ST3GAL2: variants seen among roughly 807,000 people sequenced by gnomAD.
ST3GAL2 encodes CMP-N-acetylneuraminate-beta-galactosamide-alpha-2,3-sialyltransferase 2.
ST3GAL2 carries 16 observed loss-of-function variants against 37.5 expected under a neutral mutation model. That is an observed-to-expected ratio of 0.43 (90% confidence interval 0.29 to 0.65). The LOEUF (loss-of-function observed/expected upper bound fraction) is 0.65. Among genes scored for constraint, ST3GAL2 ranks in the 30% least tolerant of loss-of-function variants. The probability of loss-of-function intolerance (pLI) is 0.17; values close to 1 mark genes in which losing one functional copy is unlikely to be tolerated. For missense variants in ST3GAL2, 383 were observed against 487.8 expected (o/e 0.79, Z 2.02); for synonymous variants, 238 against 202.9 (o/e 1.17, Z -1.47).
rs577152036 is a variant in ST3GAL2 at position 70,420,989 on chromosome 16, T to A, written c.-1004+17960A>T. Among the ~76,000 whole-genome samples the A allele has an allele frequency of 4.4e-4, 67 of 152,312 alleles. No homozygotes were observed. In the South Asian group the frequency reaches 0.012, roughly 28 times the overall value. ...AAGTTCCAGCTAGGAAGAGAGGTCA[T>A]TGTGAGCCCACGGCCAGCCTGGTGC... On this transcript the variant is annotated intron_variant, in intron 1 of 6. Coordinates refer to ENST00000342907, the MANE Select transcript of ST3GAL2 (RefSeq NM_006927.4).
intron 1 of ST3GAL2, among the ~76,000 whole-genome samples, chr16:70,414,778 T>C (rs2047663581): frequency 6.6e-6 from 1 of 152,216 alleles, no homozygotes; most frequent in South Asian, 2.1e-4. Context: ...GTTCAAGTGA[T>C]ACTCCTGACT....
At position 70,398,683 on chromosome 16, in the gene ST3GAL2, C is replaced by A. The variant is rs766309732; in HGVS notation, c.-153G>T. On this transcript the variant is annotated 5_prime_UTR_variant, in exon 2 of 7. Transcript: ENST00000342907. ...GGACAGTGGCAGGGGTCCCTTGCCA[C>A]GCCCTCCCTCATGTAGGGAGAACAC... The A allele has an allele frequency of 4.1e-5, 29 of 711,470 alleles. No individual in the cohort carries two copies. In the South Asian group the frequency reaches 5.4e-4, roughly 13 times the overall value. 44.1% of individuals were successfully genotyped at this position (711,470 alleles called of 1,614,324 possible). A position where few individuals can be genotyped will look rare whatever the true frequency, so the allele number is the denominator to read the frequency against.
intron 1 of ST3GAL2, among the ~76,000 whole-genome samples, chr16:70,404,617 C>T (rs140999522): frequency 7.3e-4 from 111 of 152,280 alleles, no homozygotes; most frequent in South Asian, 1.4e-3. Context: ...ATGGTGCAGT[C>T]GCTTTGGGCA....
intron 4 of ST3GAL2, among the ~76,000 whole-genome samples, chr16:70,385,678 A>G (rs74955082): frequency 0.079 from 11,728 of 148,828 alleles, 1,631 homozygotes; most frequent in African/African-American, 0.28. Flanking sequence ...TTAGAACATG[A>G]AAATGTTCCT....
In ST3GAL2 at chr16:70,378,642, C is replaced by CA. The variant is rs1021454025; in HGVS notation, c.*3046dup. The CA allele has an allele frequency of 2.0e-5, 3 of 151,158 alleles. No individual in the cohort carries two copies. The highest frequency in any genetic ancestry group is 4.4e-5 in the Non-Finnish European group (3 of 67,988). 9.4% of individuals were successfully genotyped at this position (151,158 alleles called of 1,614,324 possible). A position where few individuals can be genotyped will look rare whatever the true frequency, so the allele number is the denominator to read the frequency against. On this transcript the variant is annotated 3_prime_UTR_variant, in exon 7 of 7. Coordinates refer to ENST00000342907, the MANE Select transcript of ST3GAL2 (RefSeq NM_006927.4). ...GCGTGAACCCGGGAGGCGGAGCTTG[C>CA]AATGAGCCGAGATCCCACCACTGCA...
At chr16:70,385,968 G>C (rs1431338574) in intron 4 of ST3GAL2, among the ~76,000 whole-genome samples, 4 of 151,970 alleles carry the variant, frequency 2.6e-5, no homozygotes, top group Admixed American at 6.6e-5. Flanking sequence ...TGGCCTCCTA[G>C]AGTGCTGGGA....
At chr16:70,427,716 T>C (rs1207320651) in intron 1 of ST3GAL2, among the ~76,000 whole-genome samples, 1 of 152,206 alleles carries the variant, frequency 6.6e-6, no homozygotes, top group Non-Finnish European at 1.5e-5. Flanking sequence ...AAGAGTCATA[T>C]GTGAGCCCTC....
chr16:70,426,196 T>G (rs867180561), intron 1 of ST3GAL2, among the ~76,000 whole-genome samples: 7 of 142,908 alleles, frequency 4.9e-5, no homozygotes, highest in East Asian at 4.9e-4. Flanking sequence ...TTTTTTTTTT[T>G]TTTTTTTTTG....
chr16:70,382,776 C>G (rs758985018), intron 6 of ST3GAL2, 29 bp downstream of exon 6: 1 of 1,613,454 alleles, frequency 6.2e-7, no homozygotes, highest in South Asian at 1.1e-5. Context: ...TCCATGGGTT[C>G]CCACCACCCA....
intron 1 of ST3GAL2, chr16:70,399,768 C>A: frequency 4.1e-6 from 1 of 245,506 alleles, no homozygotes; most frequent in Non-Finnish European, 7.7e-6. Context: ...AGAAGGTAAA[C>A]GAGTCAAGTG....
chr16:70,394,913 G>A (rs547493898), intron 3 of ST3GAL2, 69 bp downstream of exon 3: 3 of 1,547,468 alleles, frequency 1.9e-6, no homozygotes, highest in Non-Finnish European at 2.6e-6. Flanking sequence ...TGCCAGACAA[G>A]GCAGAGGAGG....
chr16:70,420,630 C>T (rs1483691919), intron 1 of ST3GAL2, among the ~76,000 whole-genome samples: 1 of 152,172 alleles, frequency 6.6e-6, no homozygotes, highest in Admixed American at 6.6e-5. Flanking sequence ...GGGCAGGGTC[C>T]GAAAGCTTTG....
At chr16:70,383,861 T>G (rs16970141) in intron 4 of ST3GAL2, among the ~76,000 whole-genome samples, 11,053 of 150,652 alleles carry the variant, frequency 0.073, 1,356 homozygotes, top group African/African-American at 0.25. Context: ...AATGGGAATG[T>G]TTTCAGCAAG....
intron 1 of ST3GAL2, among the ~76,000 whole-genome samples, chr16:70,438,666 G>T: frequency 2.0e-5 from 3 of 151,916 alleles, no homozygotes; most frequent in African/African-American, 7.3e-5. Context: ...GCTGGGGCTG[G>T]GGTTGGGGTT....
intron 1 of ST3GAL2, among the ~76,000 whole-genome samples, chr16:70,411,440 T>C (rs539149012): frequency 1.3e-5 from 2 of 151,456 alleles, no homozygotes; most frequent in African/African-American, 4.8e-5. Flanking sequence ...TCTCCTAGGA[T>C]CTCTGTGCCT....
intron 1 of ST3GAL2, among the ~76,000 whole-genome samples, chr16:70,416,888 G>A (rs1355702363): frequency 6.6e-6 from 1 of 152,098 alleles, no homozygotes; most frequent in African/African-American, 2.4e-5. Context: ...ACAAACACCT[G>A]GCACGGCTGC....
intron 1 of ST3GAL2, among the ~76,000 whole-genome samples, chr16:70,408,890 C>CAAAACAAAAAAAAAAAAAAAA (rs2047613111): frequency 3.3e-5 from 2 of 59,854 alleles, no homozygotes; most frequent in African/African-American, 1.0e-4. Context: ...CTCAAAGAAA[C>CAAAACAAAAAAAAAAAAAAAA]AAAAAAAAAA....
chr16:70,435,262 T>TG (rs1174352509), intron 1 of ST3GAL2, among the ~76,000 whole-genome samples: 1 of 152,112 alleles, frequency 6.6e-6, no homozygotes, highest in Non-Finnish European at 1.5e-5. Flanking sequence ...CAGAACAGCC[T>TG]GGTGGGGAAG....
intron 1 of ST3GAL2, among the ~76,000 whole-genome samples, chr16:70,427,275 C>CA (rs1470997052): frequency 7.9e-5 from 12 of 152,014 alleles, no homozygotes; most frequent in African/African-American, 2.4e-4. Flanking sequence ...ATCTCAAACT[C>CA]AACTTGCCCC....
Sources: allele counts gnomAD v4.1 joint callset (sites outside exome capture counted in the v4.1 genomes callset), GRCh38; gene constraint gnomAD v4.1.1; transcripts MANE v1.5; gene names NCBI Gene and HGNC (gene_info 2026-07-23, HGNC 2026-07-21).